ERC2: variants seen among roughly 807,000 people sequenced by gnomAD.
ERC2 encodes the protein ERC protein 2.
ERC2 carries 42 observed loss-of-function variants against 114.8 expected under a neutral mutation model. The ratio of observed to expected loss-of-function variants is 0.37; its 90% CI spans 0.29 to 0.47. The LOEUF (loss-of-function observed/expected upper bound fraction) is 0.47, where lower values mean the gene tolerates loss of function less well. ERC2 is among the 20% of genes least tolerant of loss of function. The pLI, the probability that ERC2 is intolerant of heterozygous loss-of-function variation, is 0.99. For missense variants in ERC2, 939 were observed against 1,150.7 expected (o/e 0.82, Z 2.66); for synonymous variants, 454 against 425.5 (o/e 1.07, Z -0.82).
intron 3 of ERC2, among the ~76,000 whole-genome samples, chr3:56,287,449 G>C: frequency 6.6e-6 from 1 of 152,288 alleles, no homozygotes; most frequent in African/African-American, 2.4e-5. Context: ...ATTTTCATGA[G>C]TCAAAAATGG....
intron 2 of ERC2, among the ~76,000 whole-genome samples, chr3:56,305,911 G>A (rs1473138526): frequency 6.6e-6 from 1 of 152,116 alleles, no homozygotes; most frequent in Non-Finnish European, 1.5e-5. Flanking sequence ...GTGTACTGGT[G>A]CAATCTCAGC....
chr3:56,457,043 A>G (rs775312527), intron 1 of ERC2, among the ~76,000 whole-genome samples: 84 of 152,240 alleles, frequency 5.5e-4, no homozygotes, highest in Non-Finnish European at 8.7e-4. Flanking sequence ...TTCAAGGAAT[A>G]ATGAAACTAT....
intron 1 of ERC2, among the ~76,000 whole-genome samples, chr3:56,467,314 G>A (rs1345355111): frequency 1.3e-5 from 2 of 152,136 alleles, no homozygotes; most frequent in South Asian, 2.1e-4. Flanking sequence ...AGAGGGAACC[G>A]ACAATTCACC....
rs186778331 is a variant in ERC2 at position 55,693,081 on chromosome 3, G to A, written c.2847+6297C>T. Among the ~76,000 whole-genome samples the A allele has an allele frequency of 5.9e-5, 9 of 152,286 alleles. No homozygotes were observed. In the East Asian group the frequency reaches 1.7e-3, roughly 29 times the overall value. ...TTGGCTGAGAGCCAACACATGCTGG[G>A]ACCACACAGTCATCAGGAGCAGCAG... is the stretch of plus-strand genomic sequence containing the variant. On this transcript the variant is annotated intron_variant, in intron 16 of 17. Coordinates refer to ENST00000288221, the MANE Select transcript of ERC2 (RefSeq NM_015576.3).
In ERC2 at chr3:56,265,740, C is replaced by G. The variant is rs184031048; in HGVS notation, c.1074+30279G>C. Among the ~76,000 whole-genome samples the G allele has an allele frequency of 7.2e-5, 11 of 152,132 alleles. No homozygotes were observed. In the East Asian group the frequency reaches 2.1e-3, roughly 29 times the overall value. ...TATTCAAAATATATGAGAAACAAAA[C>G]TCAATAGGCCAGGCACAGTGGCTCA... On this transcript the variant is annotated intron_variant, in intron 3 of 17. Coordinates refer to ENST00000288221, the MANE Select transcript of ERC2 (RefSeq NM_015576.3).
At chr3:56,316,698 G>A (rs1576405085) in intron 2 of ERC2, among the ~76,000 whole-genome samples, 1 of 152,012 alleles carries the variant, frequency 6.6e-6, no homozygotes, top group East Asian at 1.9e-4. Context: ...TATTATGCTG[G>A]GGAAATCTCT....
chr3:55,838,092 GA>G (rs77103589), intron 14 of ERC2, among the ~76,000 whole-genome samples: 31 of 148,394 alleles, frequency 2.1e-4, no homozygotes, highest in Admixed American at 9.4e-4. Flanking sequence ...AAACAGAATT[GA>G]AAAAAAAACA....
chr3:56,033,030 C>CAA (rs1419601491), intron 7 of ERC2, among the ~76,000 whole-genome samples: 7 of 65,264 alleles, frequency 1.1e-4, no homozygotes, highest in African/African-American at 3.8e-4. Flanking sequence ...AAAAAAGAAA[C>CAA]AGAAAGAAAG....
chr3:56,396,882 A>G (rs966453431), intron 2 of ERC2, among the ~76,000 whole-genome samples: 2 of 152,080 alleles, frequency 1.3e-5, no homozygotes, highest in African/African-American at 4.8e-5. Context: ...CCTACCTTCC[A>G]CCATAAAAAG....
intron 3 of ERC2, among the ~76,000 whole-genome samples, chr3:56,229,160 C>A (rs1057178334): frequency 6.6e-6 from 1 of 152,092 alleles, no homozygotes; most frequent in African/African-American, 2.4e-5. Context: ...CAGCAGTGAA[C>A]AAAACAGACA....
intron 2 of ERC2, among the ~76,000 whole-genome samples, chr3:56,383,107 C>T (rs1168466130): frequency 1.3e-5 from 2 of 152,088 alleles, no homozygotes; most frequent in South Asian, 2.1e-4. Context: ...GACCACTTCT[C>T]ACCACCTGCA....
intron 2 of ERC2, among the ~76,000 whole-genome samples, chr3:56,412,801 A>G (rs886587637): frequency 2.6e-5 from 4 of 152,232 alleles, no homozygotes; most frequent in African/African-American, 7.2e-5. Flanking sequence ...GTAAGCTCTC[A>G]ATAAATGTTA....
At chr3:55,590,166 C>T (rs531288931) in intron 17 of ERC2, among the ~76,000 whole-genome samples, 16 of 152,134 alleles carry the variant, frequency 1.1e-4, no homozygotes, top group African/African-American at 2.9e-4. Flanking sequence ...TGAAAATAAG[C>T]GAAATCTAAG....
intron 14 of ERC2, among the ~76,000 whole-genome samples, chr3:55,843,925 G>A (rs1392982794): frequency 6.6e-6 from 1 of 152,170 alleles, no homozygotes; most frequent in African/African-American, 2.4e-5. Flanking sequence ...TTCGTAAATT[G>A]GAATGAGACA....
At chr3:55,526,144 G>GT (rs2053299042) in intron 17 of ERC2, among the ~76,000 whole-genome samples, 1 of 152,082 alleles carries the variant, frequency 6.6e-6, no homozygotes, top group South Asian at 2.1e-4. Context: ...ACCAAGGAAT[G>GT]CCAAGGGTAC....
chr3:55,634,411 A>C (rs1395594197), intron 17 of ERC2, among the ~76,000 whole-genome samples: 2 of 152,162 alleles, frequency 1.3e-5, no homozygotes, highest in Admixed American at 6.5e-5. Flanking sequence ...TACCTATTGA[A>C]TATTGTCAGT....
intron 3 of ERC2, among the ~76,000 whole-genome samples, chr3:56,269,475 A>C (rs995457842): frequency 2.0e-5 from 3 of 152,238 alleles, no homozygotes; most frequent in African/African-American, 4.8e-5. Context: ...TCTAACTCCC[A>C]GCCTAAAGAA....
At chr3:55,630,717 C>T (rs115664013) in intron 17 of ERC2, among the ~76,000 whole-genome samples, 259 of 152,300 alleles carry the variant, frequency 1.7e-3, no homozygotes, top group African/African-American at 6.1e-3. Context: ...TGGATAGGCC[C>T]AAATTCCTTG....
intron 11 of ERC2, among the ~76,000 whole-genome samples, chr3:55,991,804 A>G (rs370670629): frequency 1.5e-3 from 235 of 152,360 alleles, no homozygotes; most frequent in African/African-American, 5.3e-3. Flanking sequence ...ACGCTAGATC[A>G]TGGACATCAC....
Sources: allele counts gnomAD v4.1 joint callset (sites outside exome capture counted in the v4.1 genomes callset), GRCh38; gene constraint gnomAD v4.1.1; transcripts MANE v1.5; gene names NCBI Gene and HGNC (gene_info 2026-07-23, HGNC 2026-07-21).